JOSD1: variants seen among roughly 807,000 people sequenced by gnomAD.
JOSD1 encodes the protein Josephin domain containing 1.
Under a neutral mutation model 24.3 loss-of-function variants are expected in JOSD1, and 11 were observed. The observed-to-expected ratio is 0.45, with a 90% CI of 0.29 to 0.75. The LOEUF (loss-of-function observed/expected upper bound fraction) is 0.75. Ranked by LOEUF, JOSD1 falls within the 30% of genes least tolerant of loss-of-function variation. The pLI is 0.11. For missense variants in JOSD1, 184 were observed against 253.5 expected (o/e 0.73, Z 1.86); for synonymous variants, 106 against 93.8 (o/e 1.13, Z -0.75).
rs769678581 is a variant in JOSD1, at chr22:38,699,906, G to A, written c.82C>T (p.His28Tyr). 6.2e-7 allele frequency: 1 copy of A among 1,614,178 alleles called. No individual in the cohort carries two copies. The highest frequency in any genetic ancestry group is 8.5e-7 in the Non-Finnish European group (1 of 1,180,010). ...CAAAGCTCCCTGCGCTGTTTCTCAT[G>A]GTAGATTTGTGGGGGTGCTGCCTGG... ...LPQAAPPQIY[H>Y]EKQRRELCAL... is the part of the protein sequence containing the mutation. The change falls in exon 2 of 5, where the codon CAT becomes TAT. Residue 28 changes from histidine to tyrosine, a missense_variant. His to Tyr is a moderately conservative substitution (Grantham distance 83, BLOSUM62 2). Coordinates refer to ENST00000683374, the MANE Select transcript of JOSD1 (RefSeq NM_001360236.2).
rs1032270654 is a variant in JOSD1 at position 38,700,410 on chromosome 22, T to C, written c.-423A>G. On this transcript the variant is annotated 5_prime_UTR_variant, in exon 2 of 5. Transcript: ENST00000683374. ...CATCGCTCCTTTTCTTCCATTTCTT[T>C]TGAACCACGACGCCAATGACTCGGG... 11 of 988,218 alleles carry C rather than the reference T, an allele frequency of 1.1e-5. No individual in the cohort carries two copies. The African/African-American group carries it at 1.7e-4, about 16-fold the overall frequency. 61.2% of individuals were successfully genotyped at this position (988,218 alleles called of 1,614,324 possible).
At chr22:38,700,706 C>A in intron 1 of JOSD1, 88 bp from the exon 2 acceptor site, 1 of 978,440 alleles carries the variant, frequency 1.0e-6, no homozygotes, top group Non-Finnish European at 1.2e-6. Flanking sequence ...GAAGGTTCCG[C>A]GCGGCGAAGG....
intron 2 of JOSD1, among the ~76,000 whole-genome samples, chr22:38,696,483 G>A (rs1178870666): frequency 1.3e-5 from 2 of 151,946 alleles, no homozygotes; most frequent in Non-Finnish European, 2.9e-5. Flanking sequence ...CAGGTGATGT[G>A]CCCACCTCTG....
Position 38,700,075 on chromosome 22 carries a change from T to G in JOSD1, c.-88A>C. ...TGTAAGCTTCTCAGTCTTTTCCGGA[T>G]TCCTGAGGTCCACCTTATTCTCTGG... On this transcript the variant is annotated 5_prime_UTR_variant, in exon 2 of 5. Transcript: ENST00000683374. 2.7e-6 allele frequency: 4 copies of G among 1,495,034 alleles called. No homozygotes were observed. Among genetic ancestry groups the G allele is most frequent in the Non-Finnish European group, 2.7e-6 (3 of 1,124,534 alleles). The allele number at this position is 1,495,034 out of a possible 1,614,324, so 92.6% of individuals were successfully genotyped here.
At chr22:38,700,778 G>A (rs1421019534) in intron 1 of JOSD1, 22 bp downstream of exon 1, 1 of 984,738 alleles carries the variant, frequency 1.0e-6, no homozygotes, top group African/African-American at 1.8e-5. Flanking sequence ...GCGCCCACCC[G>A]GCTCGCAGCC....
intron 4 of JOSD1, among the ~76,000 whole-genome samples, 157 bp downstream of exon 4, chr22:38,688,778 T>G (rs1052264555): frequency 3.3e-5 from 5 of 152,294 alleles, no homozygotes; most frequent in South Asian, 2.1e-4. Context: ...CATTGAAGAT[T>G]AAGGTCAGGT....
At chr22:38,697,650 G>A (rs1224994085) in intron 2 of JOSD1, among the ~76,000 whole-genome samples, 1 of 152,250 alleles carries the variant, frequency 6.6e-6, no homozygotes. Flanking sequence ...CGGTTAGCGG[G>A]GCAGGTTCTA....
At chr22:38,697,893 A>G (rs1040615874) in intron 2 of JOSD1, among the ~76,000 whole-genome samples, 3 of 152,248 alleles carry the variant, frequency 2.0e-5, no homozygotes, top group Non-Finnish European at 4.4e-5. Flanking sequence ...ACAGAAGTGA[A>G]AACTTTTCTA....
chr22:38,690,717 T>C (rs2092518110), intron 2 of JOSD1, among the ~76,000 whole-genome samples: 1 of 152,058 alleles, frequency 6.6e-6, no homozygotes, highest in South Asian at 2.1e-4. Flanking sequence ...ACTGGTATTT[T>C]TCAAATATAA....
At position 38,686,798 on chromosome 22, in the gene JOSD1, A is replaced by T. The variant is rs913408756; in HGVS notation, c.*1104T>A. On this transcript the variant is annotated 3_prime_UTR_variant, in exon 5 of 5. Transcript: ENST00000683374. ...CGCTGCCCCAAATTAGTGGAATTTG[A>T]TGTCAAAAGCAGACTTTTTTTTCCT... The T allele has an allele frequency of 2.0e-5, 3 of 152,204 alleles. No individual in the cohort carries two copies. Among genetic ancestry groups the T allele is most frequent in the Non-Finnish European group, 2.9e-5 (2 of 68,044 alleles). 9.4% of individuals were successfully genotyped at this position (152,204 alleles called of 1,614,324 possible).
chr22:38,697,434 G>A (rs939907274), intron 2 of JOSD1, among the ~76,000 whole-genome samples: 2 of 152,264 alleles, frequency 1.3e-5, no homozygotes, highest in Non-Finnish European at 2.9e-5. Flanking sequence ...AGCTTCAAAA[G>A]GAATAGGATC....
chr22:38,689,154 C>T (rs762407920), intron 3 of JOSD1, 25 bp from the exon 4 acceptor site: 2 of 1,606,002 alleles, frequency 1.2e-6, no homozygotes, highest in East Asian at 2.2e-5. Flanking sequence ...TGGTGGCAGG[C>T]TCTGATGCAG....
chr22:38,696,234 A>G (rs1247677144), intron 2 of JOSD1, among the ~76,000 whole-genome samples: 1 of 143,168 alleles, frequency 7.0e-6, no homozygotes, highest in African/African-American at 2.6e-5. Flanking sequence ...CAAACCTTAT[A>G]CCCCCCCTTT....
In JOSD1 at chr22:38,689,077, G is replaced by A; in HGVS notation, c.367C>T (p.Pro123Ser). ...AGTGGACCCCAGCATAGGCTGGAGGGCAGATTCATGATGAAGCCCATGACG... is the reference window on the plus strand; with the variant it reads ...AGTGGACCCCAGCATAGGCTGGAGGACAGATTCATGATGAAGCCCATGACG... ...TNVMGFIMNL[P>S]SSLCWGPLKL... The change falls in exon 4 of 5, where the codon CCC (proline) becomes TCC (serine). Residue 123 changes from proline (P) to serine (S), a missense_variant. Coordinates refer to ENST00000683374, the MANE Select transcript of JOSD1 (RefSeq NM_001360236.2). The A allele has an allele frequency of 6.2e-7, 1 of 1,614,200 alleles. No homozygotes were observed. Among genetic ancestry groups the A allele is most frequent in the Non-Finnish European group, 8.5e-7 (1 of 1,180,034 alleles).
intron 2 of JOSD1, among the ~76,000 whole-genome samples, chr22:38,694,720 G>C (rs2092537294): frequency 6.6e-6 from 1 of 151,968 alleles, no homozygotes; most frequent in African/African-American, 2.4e-5. Context: ...AAAGTAGCCG[G>C]GCGTGGTGGT....
intron 4 of JOSD1, among the ~76,000 whole-genome samples, 167 bp from the exon 5 acceptor site, chr22:38,688,168 A>C (rs946077071): frequency 6.6e-6 from 1 of 152,226 alleles, no homozygotes; most frequent in African/African-American, 2.4e-5. Context: ...CAATCTGTCC[A>C]GTTAAAATTC....
rs1248770707 is a variant in JOSD1, at chr22:38,700,057, T to G, written c.-70A>C. 2 of 1,509,558 alleles carry G rather than the reference T, an allele frequency of 1.3e-6. No individual in the cohort carries two copies. The highest frequency in any genetic ancestry group is 1.8e-6 in the Non-Finnish European group (2 of 1,132,082). The allele number at this position is 1,509,558 out of a possible 1,614,324, so 93.5% of individuals were successfully genotyped here. On this transcript the variant is annotated 5_prime_UTR_variant, in exon 2 of 5. Transcript: ENST00000683374. ...TTCCCTCTAGAGGAAGAATGTAAGC[T>G]TCTCAGTCTTTTCCGGATTCCTGAG...
Position 38,687,689 on chromosome 22 carries a change from A to T in JOSD1, c.*213T>A. ...CAAGGGTTTGTGACCACTGGCCTTA[A>T]GTGCACAGAACTCCTACCTTCCTTG... On this transcript the variant is annotated 3_prime_UTR_variant, in exon 5 of 5. Coordinates refer to ENST00000683374, the MANE Select transcript of JOSD1 (RefSeq NM_001360236.2). The T allele has an allele frequency of 1.9e-6, 1 of 525,746 alleles. No homozygotes were observed. The allele number at this position is 525,746 out of a possible 1,614,324, so 32.6% of individuals were successfully genotyped here. A position where few individuals can be genotyped will look rare whatever the true frequency, so the allele number is the denominator to read the frequency against.
At chr22:38,693,281 G>A (rs1398595736) in intron 2 of JOSD1, among the ~76,000 whole-genome samples, 1 of 152,104 alleles carries the variant, frequency 6.6e-6, no homozygotes, top group Non-Finnish European at 1.5e-5. Context: ...TTCATCTTCT[G>A]TCTTGGATTC....
Sources: allele counts gnomAD v4.1 joint callset (sites outside exome capture counted in the v4.1 genomes callset), GRCh38; gene constraint gnomAD v4.1.1; transcripts MANE v1.5; gene names NCBI Gene and HGNC (gene_info 2026-07-23, HGNC 2026-07-21).